The following UNC5D variants were observed in gnomAD, a reference collection of about 807,000 sequenced individuals.
UNC5D encodes the protein unc-5 netrin receptor D.
In UNC5D, 39 loss-of-function variants were observed where a neutral mutation model predicts 105.4. The ratio of observed to expected loss-of-function variants is 0.37; its 90% confidence interval spans 0.29 to 0.48. UNC5D has a LOEUF of 0.48. UNC5D is among the 20% of genes least tolerant of loss of function. The probability of loss-of-function intolerance (pLI) is 0.98; values close to 1 mark genes in which losing one functional copy is unlikely to be tolerated. For synonymous variants in UNC5D, 452 were observed against 450.4 expected, an observed-to-expected ratio of 1.00 and a Z score of -0.04; for missense variants, 991 against 1,202.4, an observed-to-expected ratio of 0.82 and a Z score of 2.60.
chr8:35,790,677 T>C lies in UNC5D; in HGVS notation c.*114T>C. On this transcript the variant is annotated 3_prime_UTR_variant, in exon 17 of 17. Transcript: ENST00000404895. Reference sequence around the variant, plus strand: ...GGGGGAATTCAGCCTTCATTTATAATCAGTGAGATTCCCCTGTTGAAGAAA... The same window carrying C: ...GGGGGAATTCAGCCTTCATTTATAACCAGTGAGATTCCCCTGTTGAAGAAA... 1 of 1,150,438 alleles carries C rather than the reference T, an allele frequency of 8.7e-7. No individual in the cohort carries two copies. Among genetic ancestry groups the C allele is most frequent in the Non-Finnish European group, 1.2e-6 (1 of 800,004 alleles). The allele number at this position is 1,150,438 out of a possible 1,614,324, so 71.3% of individuals were successfully genotyped here. A position where few individuals can be genotyped will look rare whatever the true frequency, so the allele number is the denominator to read the frequency against.
At chr8:35,555,315 A>G (rs779751034) in intron 2 of UNC5D, among the ~76,000 whole-genome samples, 1 of 152,228 alleles carries the variant, frequency 6.6e-6, no homozygotes, top group Non-Finnish European at 1.5e-5. Context: ...AAACTGGTAG[A>G]GTATGAAGGC....
chr8:35,480,745 G>A (rs1297412123), intron 1 of UNC5D, among the ~76,000 whole-genome samples: 4 of 152,274 alleles, frequency 2.6e-5, no homozygotes, highest in African/African-American at 7.2e-5. Flanking sequence ...TAAGTGCTAT[G>A]AGACAAACAA....
chr8:35,431,467 T>C (rs1384086984), intron 1 of UNC5D, among the ~76,000 whole-genome samples: 1 of 152,142 alleles, frequency 6.6e-6, no homozygotes, highest in Admixed American at 6.6e-5. Context: ...TCTTTACCAT[T>C]ATTTTCAAGG....
At chr8:35,361,809 G>A (rs1176225339) in intron 1 of UNC5D, among the ~76,000 whole-genome samples, 1 of 152,064 alleles carries the variant, frequency 6.6e-6, no homozygotes, top group Non-Finnish European at 1.5e-5. Context: ...ATTAGACCTC[G>A]AATATAATTC....
intron 1 of UNC5D, among the ~76,000 whole-genome samples, chr8:35,297,173 T>C (rs1319093325): frequency 6.6e-6 from 1 of 152,154 alleles, no homozygotes; most frequent in Non-Finnish European, 1.5e-5. Flanking sequence ...TGGGCACTTT[T>C]TTCCTGACAC....
At chr8:35,429,005 T>C (rs1806443431) in intron 1 of UNC5D, among the ~76,000 whole-genome samples, 2 of 152,188 alleles carry the variant, frequency 1.3e-5, no homozygotes, top group African/African-American at 4.8e-5. Context: ...TAAATCCATC[T>C]CTTAAAAGAC....
At chr8:35,537,796 A>G (rs1458707156) in intron 1 of UNC5D, among the ~76,000 whole-genome samples, 2 of 151,694 alleles carry the variant, frequency 1.3e-5, no homozygotes, top group East Asian at 1.9e-4. Flanking sequence ...ATATCTGCTA[A>G]TGCATCATTT....
chr8:35,271,786 A>G (rs1585465005), intron 1 of UNC5D, among the ~76,000 whole-genome samples: 1 of 144,694 alleles, frequency 6.9e-6, no homozygotes, highest in African/African-American at 2.5e-5. Flanking sequence ...TAGGCACTCT[A>G]TCTGTATAAG....
chr8:35,487,007 C>T (rs1810864390), intron 1 of UNC5D, among the ~76,000 whole-genome samples: 1 of 152,068 alleles, frequency 6.6e-6, no homozygotes, highest in Non-Finnish European at 1.5e-5. Context: ...CCATACTATC[C>T]AACCCCCCAG....
rs142550860 is a variant in UNC5D at position 35,350,053 on chromosome 8, T to C, written c.103+114166T>C. Reference sequence around the variant, plus strand: ...TGTTATTATTAAATTAATAATTTAATTTAATAAATTAATTTATTTTTTTTG... The same window carrying C: ...TGTTATTATTAAATTAATAATTTAACTTAATAAATTAATTTATTTTTTTTG... On this transcript the variant is annotated intron_variant, in intron 1 of 16. Transcript: ENST00000404895. 8.5e-5 allele frequency among the ~76,000 whole-genome samples: 13 copies of C among 152,060 alleles called. No homozygotes were observed. In the East Asian group the frequency reaches 2.3e-3, roughly 27 times the overall value.
At chr8:35,241,690 C>CA (rs1278414958) in intron 1 of UNC5D, among the ~76,000 whole-genome samples, 1 of 147,338 alleles carries the variant, frequency 6.8e-6, no homozygotes, top group East Asian at 2.2e-4. Flanking sequence ...TAAATTTTAA[C>CA]ACTTTTTAAA....
chr8:35,770,514 GT>G (rs1482679363), intron 15 of UNC5D, among the ~76,000 whole-genome samples: 8 of 152,148 alleles, frequency 5.3e-5, no homozygotes, highest in Middle Eastern at 3.4e-3. Flanking sequence ...GGTCATTATT[GT>G]ATCAGTCTTT....
intron 3 of UNC5D, among the ~76,000 whole-genome samples, chr8:35,576,771 C>T (rs1411587062): frequency 2.0e-5 from 3 of 152,142 alleles, no homozygotes; most frequent in African/African-American, 7.2e-5. Flanking sequence ...TGCCACCAGG[C>T]CCAGCTAACT....
At chr8:35,562,381 A>G (rs1418517319) in intron 2 of UNC5D, among the ~76,000 whole-genome samples, 1 of 152,062 alleles carries the variant, frequency 6.6e-6, no homozygotes, top group Non-Finnish European at 1.5e-5. Context: ...TATGGAAGAT[A>G]TATTTTTAGT....
At chr8:35,271,032 T>C (rs1197774954) in intron 1 of UNC5D, among the ~76,000 whole-genome samples, 8 of 151,808 alleles carry the variant, frequency 5.3e-5, no homozygotes, top group Admixed American at 5.3e-4. Flanking sequence ...TTTTAAAATA[T>C]ATACATGTCA....
At chr8:35,335,813 G>T (rs1405237319) in intron 1 of UNC5D, among the ~76,000 whole-genome samples, 2 of 134,116 alleles carry the variant, frequency 1.5e-5, no homozygotes, top group Non-Finnish European at 3.1e-5. Context: ...GCCCAGGCTG[G>T]AGTGCAGTGG....
Position 35,729,586 on chromosome 8 carries a change from G to A in UNC5D, c.1682-1426G>A, listed in dbSNP as rs1253770454. ...TCAAACTAAGAGAAGACAGAATGTC[G>A]AGGGCATGTATTTAGGTTGACTTCC... On this transcript the variant is annotated intron_variant, in intron 10 of 16. Transcript: ENST00000404895. Among the ~76,000 whole-genome samples, 4 of 152,252 alleles carry A rather than the reference G, an allele frequency of 2.6e-5. No individual in the cohort carries two copies. In the South Asian group the frequency reaches 6.2e-4, roughly 24 times the overall value.
At chr8:35,789,173 A>ACCC (rs1802905722) in intron 16 of UNC5D, among the ~76,000 whole-genome samples, 1 of 92,110 alleles carries the variant, frequency 1.1e-5, no homozygotes, top group South Asian at 3.3e-4. Context: ...ATATATATAT[A>ACCC]TATATATATA....
At chr8:35,780,986 G>T (rs1400643308) in intron 16 of UNC5D, among the ~76,000 whole-genome samples, 1 of 152,114 alleles carries the variant, frequency 6.6e-6, no homozygotes, top group African/African-American at 2.4e-5. Flanking sequence ...TTTATTACCT[G>T]GTTCTAGAAA....
Sources: gnomAD v4.1 joint callset for allele counts (sites outside exome capture counted in the v4.1 genomes callset) on GRCh38, gnomAD v4.1.1 for gene constraint, MANE v1.5 for transcripts, NCBI Gene and HGNC (gene_info 2026-07-23, HGNC 2026-07-21) for gene names.